Variants in RAE1 observed in about 807,000 individuals in gnomAD.
RAE1 encodes the protein mRNA export factor RAE1.
Under a neutral mutation model 52.7 loss-of-function variants are expected in RAE1, and 13 were observed. That is an observed-to-expected ratio of 0.25 (90% confidence interval 0.16 to 0.39). The LOEUF is 0.39. Among genes scored for constraint, RAE1 ranks in the 10% least tolerant of loss-of-function variants. RAE1 has a pLI of 1.00. For synonymous variants in RAE1, 164 were observed against 153.1 expected, an observed-to-expected ratio of 1.07 and a Z score of -0.52; for missense variants, 262 against 459.8, an observed-to-expected ratio of 0.57 and a Z score of 3.93.
At chr20:57,358,411 A>G (rs543642590) in intron 4 of RAE1, 1 of 152,358 alleles carries the variant, frequency 6.6e-6, no homozygotes, top group Non-Finnish European at 1.5e-5. Flanking sequence ...ATAAAGTGTT[A>G]AGTTTTATGC....
At chr20:57,366,351 T>TCATGTTCTG in intron 5 of RAE1, among the ~76,000 whole-genome samples, 1 of 152,338 alleles carries the variant, frequency 6.6e-6, no homozygotes, top group South Asian at 2.1e-4. Flanking sequence ...TTTAGTTTGC[T>TCATGTTCTG]CATGTTCTGC....
At chr20:57,367,330 G>A (rs2066969626) in intron 7 of RAE1, among the ~76,000 whole-genome samples, 1 of 152,178 alleles carries the variant, frequency 6.6e-6, no homozygotes, top group South Asian at 2.1e-4. Flanking sequence ...TATGCAGCTA[G>A]CTACATGCCA....
intron 11 of RAE1, 51 bp from the exon 12 acceptor site, chr20:57,377,962 G>C: frequency 7.1e-7 from 1 of 1,412,868 alleles, no homozygotes; most frequent in South Asian, 1.2e-5. Context: ...ACCTACAAAT[G>C]CTAACTTTCT....
intron 4 of RAE1, chr20:57,359,758 C>T (rs2066863890): frequency 6.6e-6 from 1 of 152,198 alleles, no homozygotes; most frequent in African/African-American, 2.4e-5. Context: ...GGGACTTGGC[C>T]ATAGTTCTAT....
chr20:57,378,239 C>A lies in RAE1; in HGVS notation c.*140C>A. The A allele has an allele frequency of 1.4e-6, 1 of 691,188 alleles. No homozygotes were observed. The highest frequency in any genetic ancestry group is 2.3e-6 in the Non-Finnish European group (1 of 426,294). 42.8% of individuals were successfully genotyped at this position (691,188 alleles called of 1,614,324 possible). A position where few individuals can be genotyped will look rare whatever the true frequency, so the allele number is the denominator to read the frequency against. ...TGGAGAAAACGATGTCATTGTTCAG[C>A]AGCTGAGAGCCCAGGCGTCCGCGGC... On this transcript the variant is annotated 3_prime_UTR_variant, in exon 12 of 12. Coordinates refer to ENST00000395841, the MANE Select transcript of RAE1 (RefSeq NM_003610.4).
intron 4 of RAE1, among the ~76,000 whole-genome samples, chr20:57,360,178 CTG>C (rs1170908517): frequency 5.3e-5 from 8 of 152,082 alleles, no homozygotes; most frequent in African/African-American, 1.9e-4. Context: ...AGGTGATGGG[CTG>C]TGTGTGCGTG....
chr20:57,371,938 A>T (rs1355340720), intron 8 of RAE1: 1 of 152,250 alleles, frequency 6.6e-6, no homozygotes, highest in Non-Finnish European at 1.5e-5. Context: ...AAGAAACTGC[A>T]TGGTTCCACT....
At position 57,378,348 on chromosome 20, in the gene RAE1, C is replaced by T. The variant is rs1393365821; in HGVS notation, c.*249C>T. The T allele has an allele frequency of 2.8e-5, 12 of 430,480 alleles. No individual in the cohort carries two copies. In the South Asian group the frequency reaches 3.0e-4, roughly 11 times the overall value. 26.7% of individuals were successfully genotyped at this position (430,480 alleles called of 1,614,324 possible). On this transcript the variant is annotated 3_prime_UTR_variant, in exon 12 of 12. Transcript: ENST00000395841. Reference sequence around the variant, plus strand: ...TGAGGTTATTGTAGACGTTAGATTGCGGGCACCGCCAGGGATTTTGCAGCG... The same window carrying T: ...TGAGGTTATTGTAGACGTTAGATTGTGGGCACCGCCAGGGATTTTGCAGCG...
chr20:57,361,480 A>T (rs2066891657), intron 4 of RAE1, among the ~76,000 whole-genome samples: 2 of 152,144 alleles, frequency 1.3e-5, no homozygotes, highest in Non-Finnish European at 2.9e-5. Flanking sequence ...ACCTAGGTTG[A>T]TGGTAAAGTC....
At chr20:57,356,193 A>G (rs2066783556) in intron 3 of RAE1, among the ~76,000 whole-genome samples, 1 of 152,230 alleles carries the variant, frequency 6.6e-6, no homozygotes, top group African/African-American at 2.4e-5. Context: ...TAAAAGACAT[A>G]TCTCATAGAT....
chr20:57,362,286 A>C (rs916483150), intron 4 of RAE1, among the ~76,000 whole-genome samples: 5 of 152,250 alleles, frequency 3.3e-5, no homozygotes, highest in African/African-American at 1.2e-4. Context: ...AGCAAGGATC[A>C]GCTTCTCTGA....
intron 8 of RAE1, 48 bp from the exon 9 acceptor site, chr20:57,373,427 A>T: frequency 6.4e-7 from 1 of 1,557,542 alleles, no homozygotes; most frequent in Middle Eastern, 1.7e-4. Context: ...TTAGTCATGA[A>T]ATCTTATATT....
rs1432133056 is a variant in RAE1, at chr20:57,368,945, A to T, written c.642+133A>T. ...AAAGAGGGGTGAATTGAAGGATATA[A>T]ACACAAATACTTAGTGAGTGAATAT... On this transcript the variant is annotated intron_variant, in intron 8 of 11. Coordinates refer to ENST00000395841, the MANE Select transcript of RAE1 (RefSeq NM_003610.4). 5.7e-6 allele frequency: 4 copies of T among 698,932 alleles called. No homozygotes were observed. In the African/African-American group the frequency reaches 7.1e-5, roughly 12 times the overall value. The allele number at this position is 698,932 out of a possible 1,614,324, so 43.3% of individuals were successfully genotyped here.
At chr20:57,361,629 G>C (rs569581752) in intron 4 of RAE1, among the ~76,000 whole-genome samples, 2 of 152,142 alleles carry the variant, frequency 1.3e-5, no homozygotes, top group African/African-American at 4.8e-5. Context: ...ATGTCAGTCC[G>C]GAATATTCAG....
intron 11 of RAE1, among the ~76,000 whole-genome samples, chr20:57,377,274 C>G (rs1187802320): frequency 1.3e-5 from 2 of 152,222 alleles, no homozygotes; most frequent in Non-Finnish European, 2.9e-5. Flanking sequence ...TTTGGCCCAC[C>G]TGCGGCTCCT....
chr20:57,375,725 T>A (rs1215272313), intron 11 of RAE1, among the ~76,000 whole-genome samples: 2 of 152,214 alleles, frequency 1.3e-5, no homozygotes. Context: ...CCAGGTACTT[T>A]CTGGCCTCTT....
At chr20:57,367,739 CAA>C (rs374097734) in intron 7 of RAE1, among the ~76,000 whole-genome samples, 2,881 of 67,994 alleles carry the variant, frequency 0.042, 77 homozygotes, top group African/African-American at 0.13. Context: ...GATACTATCT[CAA>C]AAAAAAAAAA....
chr20:57,369,875 C>A (rs1221051826), intron 8 of RAE1, among the ~76,000 whole-genome samples: 1 of 152,170 alleles, frequency 6.6e-6, no homozygotes, highest in African/African-American at 2.4e-5. Context: ...GAAATCTGCC[C>A]GTGCTTGCCT....
At chr20:57,355,503 G>T (rs933219559) in intron 3 of RAE1, among the ~76,000 whole-genome samples, 2 of 152,126 alleles carry the variant, frequency 1.3e-5, no homozygotes, top group African/African-American at 4.8e-5. Flanking sequence ...AGGATAATTG[G>T]CAATAGTTAT....
Sources: gnomAD v4.1 joint callset for allele counts (sites outside exome capture counted in the v4.1 genomes callset) on GRCh38, gnomAD v4.1.1 for gene constraint, MANE v1.5 for transcripts, NCBI Gene and HGNC (gene_info 2026-07-23, HGNC 2026-07-21) for gene names.